LARGE1: variants seen among roughly 807,000 people sequenced by gnomAD.
LARGE1 encodes xylosyl- and glucuronyltransferase LARGE1.
In LARGE1, 43 loss-of-function variants were observed where a neutral mutation model predicts 87.6. The ratio of observed to expected loss-of-function variants is 0.49; its 90% CI spans 0.38 to 0.63. LARGE1 has a LOEUF of 0.63. Among genes scored for constraint, LARGE1 ranks in the 30% least tolerant of loss-of-function variants. LARGE1 has a pLI of 0.00. For missense variants in LARGE1, 802 were observed against 1,000.2 expected (o/e 0.80, Z 2.67); for synonymous variants, 434 against 394.6 (o/e 1.10, Z -1.18).
the LARGE1 span, among the ~76,000 whole-genome samples, chr22:33,089,428 TTCC>T: frequency 1.2e-4 from 9 of 74,008 alleles, no homozygotes; most frequent in African/African-American, 1.9e-4. Flanking sequence ...CTTCTTCCTC[TTCC>T]TCTTCTTCTT....
chr22:33,332,699 T>C (rs1241896839), intron 10 of LARGE1, among the ~76,000 whole-genome samples: 4 of 152,188 alleles, frequency 2.6e-5, no homozygotes, highest in Non-Finnish European at 5.9e-5. Flanking sequence ...TCTGGTTGTG[T>C]CTGCAGATAA....
chr22:33,568,541 C>G (rs555582285), intron 5 of LARGE1, among the ~76,000 whole-genome samples: 1 of 152,162 alleles, frequency 6.6e-6, no homozygotes, highest in African/African-American at 2.4e-5. Flanking sequence ...CTGAGGTGGG[C>G]GGATCCCCTG....
At chr22:33,200,813 A>G (rs1010960006) in intron 11 of LARGE1, among the ~76,000 whole-genome samples, 34 of 152,200 alleles carry the variant, frequency 2.2e-4, no homozygotes, top group Admixed American at 7.2e-4. Context: ...CAAAGGAAGC[A>G]TTGGAGAGGG....
the LARGE1 span, among the ~76,000 whole-genome samples, chr22:33,153,604 G>A: frequency 6.6e-6 from 1 of 152,252 alleles, no homozygotes; most frequent in Non-Finnish European, 1.5e-5. Context: ...TACTCATGGT[G>A]GGGTGTGGGG....
At chr22:33,782,137 TC>T (rs2085442990) in intron 1 of LARGE1, among the ~76,000 whole-genome samples, 1 of 152,176 alleles carries the variant, frequency 6.6e-6, no homozygotes, top group Admixed American at 6.5e-5. Flanking sequence ...TCCGAGTTCT[TC>T]TTTTTGGGTT....
intron 11 of LARGE1, chr22:33,305,580 T>C (rs921041951): frequency 2.0e-6 from 2 of 985,208 alleles, no homozygotes; most frequent in Admixed American, 1.2e-4. Flanking sequence ...ATGCCCACTT[T>C]ATTCGGACGA....
At chr22:33,590,895 T>C (rs376714508) in intron 5 of LARGE1, among the ~76,000 whole-genome samples, 50 of 152,220 alleles carry the variant, frequency 3.3e-4, no homozygotes, top group African/African-American at 1.1e-3. Flanking sequence ...TTGTGAGTTA[T>C]GTTTAATATT....
chr22:33,138,491 T>C, the LARGE1 span, among the ~76,000 whole-genome samples: 1 of 152,092 alleles, frequency 6.6e-6, no homozygotes, highest in Admixed American at 6.5e-5. Context: ...TCATCCAGGC[T>C]GGAGGGCAGT....
intron 1 of LARGE1, among the ~76,000 whole-genome samples, chr22:33,772,719 TTTGA>T (rs1322576678): frequency 6.6e-6 from 1 of 152,156 alleles, no homozygotes; most frequent in African/African-American, 2.4e-5. Context: ...TAAACAATTA[TTTGA>T]TTGATTACTT....
chr22:33,663,284 C>G (rs999153026), intron 2 of LARGE1, among the ~76,000 whole-genome samples: 1 of 152,176 alleles, frequency 6.6e-6, no homozygotes, highest in South Asian at 2.1e-4. Flanking sequence ...TGTGTTAATA[C>G]TTATTAAGGT....
chr22:33,525,209 C>G (rs979052460), intron 6 of LARGE1, among the ~76,000 whole-genome samples: 2 of 152,114 alleles, frequency 1.3e-5, no homozygotes, highest in African/African-American at 4.8e-5. Flanking sequence ...GTCCCTTGAC[C>G]TTCTGACAGT....
intron 1 of LARGE1, among the ~76,000 whole-genome samples, chr22:33,807,670 C>A (rs893956460): frequency 7.9e-5 from 12 of 152,232 alleles, no homozygotes; most frequent in African/African-American, 2.7e-4. Flanking sequence ...TTCATCCTTT[C>A]CTCTTCCCAA....
chr22:33,643,573 G>A (rs1216912112), intron 3 of LARGE1, among the ~76,000 whole-genome samples: 1 of 152,122 alleles, frequency 6.6e-6, no homozygotes, highest in Non-Finnish European at 1.5e-5. Context: ...GCTCATGGAT[G>A]AAGGAGATAG....
intron 11 of LARGE1, among the ~76,000 whole-genome samples, chr22:33,306,976 A>C (rs1298316422): frequency 6.6e-6 from 1 of 152,138 alleles, no homozygotes; most frequent in Non-Finnish European, 1.5e-5. Flanking sequence ...GTTCTGTGGA[A>C]CCTCCACAAG....
At chr22:33,894,024 G>A (rs898879633) in intron 1 of LARGE1, among the ~76,000 whole-genome samples, 12 of 152,102 alleles carry the variant, frequency 7.9e-5, no homozygotes, top group South Asian at 2.1e-4. Flanking sequence ...CTGGGCTCCC[G>A]GCCCTGCAGA....
chr22:33,607,458 T>C (rs2079298119), intron 4 of LARGE1, among the ~76,000 whole-genome samples: 1 of 35,820 alleles, frequency 2.8e-5, no homozygotes, highest in Non-Finnish European at 5.1e-5. Context: ...CAAAACTGCA[T>C]CTCAAAAAAA....
intron 11 of LARGE1, among the ~76,000 whole-genome samples, chr22:33,183,061 A>G (rs1923257994): frequency 6.6e-6 from 1 of 152,098 alleles, no homozygotes; most frequent in Non-Finnish European, 1.5e-5. Flanking sequence ...TGCAAATCAT[A>G]TATCTGATAA....
chr22:33,534,498 G>A (rs1430438042), intron 6 of LARGE1, among the ~76,000 whole-genome samples: 1 of 152,138 alleles, frequency 6.6e-6, no homozygotes, highest in African/African-American at 2.4e-5. Context: ...ACCCCAGCTA[G>A]CGGAACCTTC....
At chr22:33,259,087 C>T (rs1927476498) in intron 11 of LARGE1, among the ~76,000 whole-genome samples, 1 of 152,038 alleles carries the variant, frequency 6.6e-6, no homozygotes, top group Non-Finnish European at 1.5e-5. Context: ...ACCATGTTGG[C>T]CAGGATGGTC....
Sources: allele counts gnomAD v4.1 joint callset (sites outside exome capture counted in the v4.1 genomes callset), GRCh38; gene constraint gnomAD v4.1.1; transcripts MANE v1.5; gene names NCBI Gene and HGNC (gene_info 2026-07-23, HGNC 2026-07-21).